Variants in EXT1 observed in about 807,000 individuals in gnomAD.
EXT1 encodes exostosin glycosyltransferase 1, also known as exostosin-1.
A neutral mutation model predicts 82.5 loss-of-function variants in EXT1; 20 were observed. That is an observed-to-expected ratio of 0.24 (90% CI 0.17 to 0.35). The LOEUF (loss-of-function observed/expected upper bound fraction) is 0.35, where lower values mean the gene tolerates loss of function less well. EXT1 is among the 10% of genes least tolerant of loss of function. The pLI is 1.00. For synonymous variants in EXT1, 348 were observed against 350.8 expected (o/e 0.99, Z 0.09); for missense variants, 757 against 936.5 (o/e 0.81, Z 2.50).
intron 1 of EXT1, among the ~76,000 whole-genome samples, chr8:117,961,883 T>C (rs1432820743): frequency 6.6e-6 from 1 of 152,172 alleles, no homozygotes; most frequent in Non-Finnish European, 1.5e-5. Flanking sequence ...ACAGATCTCA[T>C]AGTTGAAAGG....
intron 1 of EXT1, among the ~76,000 whole-genome samples, chr8:117,871,596 T>A (rs1305172187): frequency 2.0e-5 from 3 of 152,202 alleles, no homozygotes; most frequent in Non-Finnish European, 4.4e-5. Flanking sequence ...TACCACAAGT[T>A]ACCCCAATGC....
At chr8:117,837,008 A>G in intron 2 of EXT1, 100 bp downstream of exon 2, 1 of 845,478 alleles carries the variant, frequency 1.2e-6, no homozygotes, top group South Asian at 1.4e-5. Context: ...GGGAAACCAC[A>G]CCTTCTCTTT....
At chr8:117,940,794 C>G (rs971542838) in intron 1 of EXT1, among the ~76,000 whole-genome samples, 1 of 152,150 alleles carries the variant, frequency 6.6e-6, no homozygotes, top group African/African-American at 2.4e-5. Flanking sequence ...CCTGTGGGTA[C>G]AATGGAAGCT....
chr8:117,820,086 G>A (rs1443014763), intron 5 of EXT1, among the ~76,000 whole-genome samples: 1 of 152,056 alleles, frequency 6.6e-6, no homozygotes, highest in Non-Finnish European at 1.5e-5. Flanking sequence ...GGCTTTTTAG[G>A]TACCCAGTGT....
chr8:117,860,422 G>A lies in EXT1; in HGVS notation c.963-23221C>T, dbSNP rs181746803. Among the ~76,000 whole-genome samples, 15 of 152,290 alleles carry A rather than the reference G, an allele frequency of 9.8e-5. No individual in the cohort carries two copies. The East Asian group carries it at 2.7e-3, about 27-fold the overall frequency. ...TGGGTACAATGTCCACTATTCAGAT[G>A]ATGGGCAAACTGAAAGCCCAGCCTT... On this transcript the variant is annotated intron_variant, in intron 1 of 10. Transcript: ENST00000378204.
chr8:117,974,225 A>T (rs1815021523), intron 1 of EXT1, among the ~76,000 whole-genome samples: 1 of 152,218 alleles, frequency 6.6e-6, no homozygotes, highest in South Asian at 2.1e-4. Flanking sequence ...ATCGTTTAAA[A>T]GTCATAGTAG....
At chr8:117,943,138 T>A (rs1457588510) in intron 1 of EXT1, among the ~76,000 whole-genome samples, 1 of 152,226 alleles carries the variant, frequency 6.6e-6, no homozygotes. Flanking sequence ...ACTACTTTCT[T>A]CTTTAAAGAG....
chr8:118,102,978 AC>A (rs572830673), intron 1 of EXT1, among the ~76,000 whole-genome samples: 47 of 151,926 alleles, frequency 3.1e-4, no homozygotes, highest in Non-Finnish European at 6.5e-4. Flanking sequence ...ACATGGAGAA[AC>A]CCCGTCTCTA....
intron 1 of EXT1, among the ~76,000 whole-genome samples, chr8:117,959,379 C>G (rs749684609): frequency 5.9e-5 from 9 of 152,230 alleles, no homozygotes; most frequent in Non-Finnish European, 1.2e-4. Context: ...TTCCCACAAA[C>G]AACTCTGTTT....
chr8:117,893,281 A>G (rs1259174522), intron 1 of EXT1, among the ~76,000 whole-genome samples: 1 of 152,242 alleles, frequency 6.6e-6, no homozygotes, highest in Non-Finnish European at 1.5e-5. Context: ...TTCTAAGTAC[A>G]ATCAAGTAAA....
chr8:117,906,941 A>G (rs1315713127), intron 1 of EXT1, among the ~76,000 whole-genome samples: 1 of 152,152 alleles, frequency 6.6e-6, no homozygotes, highest in Non-Finnish European at 1.5e-5. Context: ...GGAGAATCAG[A>G]ATTCCAAGCA....
intron 1 of EXT1, among the ~76,000 whole-genome samples, chr8:117,996,481 C>T (rs1006162163): frequency 1.3e-5 from 2 of 152,188 alleles, no homozygotes; most frequent in Non-Finnish European, 2.9e-5. Flanking sequence ...CTACCAGACA[C>T]AACGCTGCTT....
chr8:117,911,974 G>A (rs1813656277), intron 1 of EXT1, among the ~76,000 whole-genome samples: 1 of 151,962 alleles, frequency 6.6e-6, no homozygotes, highest in South Asian at 2.1e-4. Context: ...TATCCCTGCA[G>A]AAATGCACAA....
intron 1 of EXT1, among the ~76,000 whole-genome samples, chr8:118,012,745 C>T (rs1815927690): frequency 6.6e-6 from 1 of 152,186 alleles, no homozygotes; most frequent in South Asian, 2.1e-4. Context: ...TTGCCTGGCA[C>T]ATAATGGACA....
chr8:117,810,444 A>G (rs1470347594), intron 8 of EXT1, among the ~76,000 whole-genome samples: 1 of 152,196 alleles, frequency 6.6e-6, no homozygotes, highest in East Asian at 1.9e-4. Context: ...GTTGACTTCT[A>G]ATTACTTCAC....
chr8:117,903,899 A>T lies in EXT1; in HGVS notation c.963-66698T>A, dbSNP rs1813496744. On this transcript the variant is annotated intron_variant, in intron 1 of 10. Transcript: ENST00000378204. ...AATGGCAGAAGCTGGGAACAGTCAA[A>T]TTCTTAGATGCACTTCTCTTGAACT... Among the ~76,000 whole-genome samples the T allele has an allele frequency of 2.0e-5, 3 of 152,222 alleles. No individual in the cohort carries two copies. In the South Asian group the frequency reaches 6.2e-4, roughly 32 times the overall value.
chr8:117,978,226 A>G (rs1049883393), intron 1 of EXT1, among the ~76,000 whole-genome samples: 1 of 152,248 alleles, frequency 6.6e-6, no homozygotes, highest in Non-Finnish European at 1.5e-5. Context: ...AAGGGTGCCC[A>G]GTGAAATGTG....
intron 1 of EXT1, among the ~76,000 whole-genome samples, chr8:118,090,415 G>A (rs957794993): frequency 1.3e-5 from 2 of 151,380 alleles, no homozygotes; most frequent in Non-Finnish European, 2.9e-5. Context: ...GCAAGACCGT[G>A]TCTTGAAAAA....
At chr8:118,014,066 C>CTA (rs1294583470) in intron 1 of EXT1, among the ~76,000 whole-genome samples, 1 of 152,092 alleles carries the variant, frequency 6.6e-6, no homozygotes, top group Non-Finnish European at 1.5e-5. Context: ...CAGGGCTGTG[C>CTA]TATAGGTTAA....
Sources: allele counts gnomAD v4.1 joint callset (sites outside exome capture counted in the v4.1 genomes callset), GRCh38; gene constraint gnomAD v4.1.1; transcripts MANE v1.5; gene names NCBI Gene and HGNC (gene_info 2026-07-23, HGNC 2026-07-21).